RBFOX1: variants seen among roughly 807,000 people sequenced by gnomAD.
The protein encoded by RBFOX1 is RNA binding fox-1 homolog 1, also known as RNA binding protein fox-1 homolog 1.
RBFOX1 carries 8 observed loss-of-function variants against 57.7 expected under a neutral mutation model. The ratio of observed to expected loss-of-function variants is 0.14; its 90% CI spans 0.08 to 0.25. The LOEUF (loss-of-function observed/expected upper bound fraction) is 0.25. RBFOX1 is among the 10% of genes least tolerant of loss of function. RBFOX1 has a pLI of 1.00. For missense variants in RBFOX1, 611 were observed against 548.5 expected, an observed-to-expected ratio of 1.11 and a Z score of -1.14; for synonymous variants, 326 against 222.4, an observed-to-expected ratio of 1.47 and a Z score of -4.15.
chr16:5,845,656 G>A (rs1326357427), intron 3 of RBFOX1, among the ~76,000 whole-genome samples: 1 of 152,198 alleles, frequency 6.6e-6, no homozygotes, highest in Non-Finnish European at 1.5e-5. Context: ...ACTGCCAAAT[G>A]TGGTTACTTA....
intron 2 of RBFOX1, among the ~76,000 whole-genome samples, chr16:6,358,214 G>C (rs2152861893): frequency 6.6e-6 from 1 of 152,268 alleles, no homozygotes; most frequent in East Asian, 1.9e-4. Flanking sequence ...TCATGAGACT[G>C]TGTAAAAATT....
chr16:6,818,845 C>T (rs1285557330), intron 3 of RBFOX1, among the ~76,000 whole-genome samples: 1 of 152,186 alleles, frequency 6.6e-6, no homozygotes, highest in African/African-American at 2.4e-5. Flanking sequence ...TCGCCCAACT[C>T]AGTCCAATGA....
intron 3 of RBFOX1, among the ~76,000 whole-genome samples, chr16:7,049,798 T>C (rs1387950990): frequency 6.6e-6 from 1 of 152,226 alleles, no homozygotes; most frequent in Admixed American, 6.5e-5. Context: ...TGAAGTGTTT[T>C]CGCTCCATCT....
chr16:6,971,741 G>A (rs2085597585), intron 3 of RBFOX1, among the ~76,000 whole-genome samples: 1 of 152,066 alleles, frequency 6.6e-6, no homozygotes. Flanking sequence ...ACGGATTGGG[G>A]ACATCGTGGA....
intron 12 of RBFOX1, among the ~76,000 whole-genome samples, chr16:7,657,163 C>G (rs1196527129): frequency 6.6e-6 from 1 of 152,160 alleles, no homozygotes; most frequent in Non-Finnish European, 1.5e-5. Context: ...CATTTTCTTC[C>G]TCCTGGGAGA....
chr16:7,556,341 TA>T (rs1217332822), intron 5 of RBFOX1, among the ~76,000 whole-genome samples: 2 of 152,160 alleles, frequency 1.3e-5, no homozygotes, highest in East Asian at 3.8e-4. Context: ...TCCATTTCAT[TA>T]AACCACGGCA....
chr16:7,250,055 G>A (rs892455067), intron 4 of RBFOX1, among the ~76,000 whole-genome samples: 2 of 152,136 alleles, frequency 1.3e-5, no homozygotes, highest in Non-Finnish European at 2.9e-5. Flanking sequence ...GTAACTCTAA[G>A]AATCCCTCCC....
chr16:6,566,487 CAG>C (rs2097267834), intron 2 of RBFOX1, among the ~76,000 whole-genome samples: 1 of 152,058 alleles, frequency 6.6e-6, no homozygotes, highest in African/African-American at 2.4e-5. Flanking sequence ...TCTTAATCTA[CAG>C]AGACTTTGTC....
intron 2 of RBFOX1, among the ~76,000 whole-genome samples, chr16:5,588,729 C>G (rs1214163486): frequency 6.6e-6 from 1 of 152,194 alleles, no homozygotes; most frequent in Non-Finnish European, 1.5e-5. Context: ...ATCACTCTGG[C>G]TGTCAAGAAT....
chr16:6,714,698 C>T (rs551272800), intron 3 of RBFOX1, among the ~76,000 whole-genome samples: 25 of 152,102 alleles, frequency 1.6e-4, no homozygotes, highest in Admixed American at 3.3e-4. Context: ...TTGGTGGGGC[C>T]CTGGAGTGCC....
chr16:7,474,682 A>C (rs1475751678), intron 4 of RBFOX1, among the ~76,000 whole-genome samples: 2 of 152,230 alleles, frequency 1.3e-5, no homozygotes, highest in Non-Finnish European at 2.9e-5. Flanking sequence ...AACTCTGGGT[A>C]AGTTACGAAT....
chr16:5,317,207 CTCTCTCAA>C (rs2064265586), intron 1 of RBFOX1, among the ~76,000 whole-genome samples: 1 of 152,286 alleles, frequency 6.6e-6, no homozygotes, highest in African/African-American at 2.4e-5. Context: ...CTCTCTCTCT[CTCTCTCAA>C]TCTCTCGATA....
intron 1 of RBFOX1, among the ~76,000 whole-genome samples, chr16:6,116,227 C>T (rs978298754): frequency 6.7e-6 from 1 of 149,952 alleles, no homozygotes; most frequent in African/African-American, 2.5e-5. Flanking sequence ...AATGAGAACA[C>T]ATGGACACAG....
intron 2 of RBFOX1, among the ~76,000 whole-genome samples, chr16:6,599,858 C>G (rs1383826404): frequency 6.6e-6 from 1 of 152,204 alleles, no homozygotes; most frequent in Non-Finnish European, 1.5e-5. Flanking sequence ...CATGAGCTAA[C>G]ACTTGTTAGG....
intron 4 of RBFOX1, among the ~76,000 whole-genome samples, chr16:7,333,281 A>G (rs2096725799): frequency 6.6e-6 from 1 of 152,346 alleles, no homozygotes; most frequent in Admixed American, 6.5e-5. Context: ...GGCTGAATAA[A>G]TGGTGTAGTT....
chr16:6,427,064 A>G (rs1406428873), intron 2 of RBFOX1, among the ~76,000 whole-genome samples: 5 of 152,190 alleles, frequency 3.3e-5, no homozygotes, highest in Non-Finnish European at 7.4e-5. Context: ...TGCTGATATT[A>G]TGAGGTAGGG....
intron 1 of RBFOX1, among the ~76,000 whole-genome samples, chr16:5,329,945 T>C (rs1323414513): frequency 6.7e-6 from 1 of 149,836 alleles, no homozygotes; most frequent in Non-Finnish European, 1.5e-5. Flanking sequence ...TTCATGCCAC[T>C]GCACTCCAGC....
chr16:5,467,084 G>A lies in RBFOX1; in HGVS notation c.220-132G>A, dbSNP rs1052059765. On this transcript the variant is annotated intron_variant, in intron 1 of 2. Coordinates refer to the RBFOX1 transcript ENST00000585867. The stretch of plus-strand genomic sequence containing the variant: ...GACACATGTTAGGCATTTAATGGAC[G>A]TTTTGAGAATGAATGAATAAAACAT... The A allele has an allele frequency of 3.9e-5, 43 of 1,102,834 alleles. No homozygotes were observed. In the African/African-American group the frequency reaches 5.9e-4, roughly 15 times the overall value. The allele number at this position is 1,102,834 out of a possible 1,614,324, so 68.3% of individuals were successfully genotyped here. A position where few individuals can be genotyped will look rare whatever the true frequency, so the allele number is the denominator to read the frequency against.
chr16:6,266,499 A>G (rs1488021070), intron 1 of RBFOX1, among the ~76,000 whole-genome samples: 3 of 152,172 alleles, frequency 2.0e-5, no homozygotes, highest in Admixed American at 2.0e-4. Context: ...AGATCACTTG[A>G]GGTCAGGAGT....
Sources: gnomAD v4.1 joint callset for allele counts (sites outside exome capture counted in the v4.1 genomes callset) on GRCh38, gnomAD v4.1.1 for gene constraint, MANE v1.5 for transcripts, NCBI Gene and HGNC (gene_info 2026-07-23, HGNC 2026-07-21) for gene names.